The following BCL11A variants were observed in gnomAD, a reference collection of about 807,000 sequenced individuals.
The protein encoded by BCL11A is BCL11 transcription factor A.
BCL11A carries 2 observed loss-of-function variants against 55.9 expected under a neutral mutation model. That is an observed-to-expected ratio of 0.04 (90% confidence interval 0.01 to 0.11). The LOEUF is 0.11. Among genes scored for constraint, BCL11A ranks in the 10% least tolerant of loss-of-function variants. The probability of loss-of-function intolerance (pLI) is 1.00; values close to 1 mark genes in which losing one functional copy is unlikely to be tolerated. For synonymous variants in BCL11A, 465 were observed against 473.4 expected (o/e 0.98, Z 0.23); for missense variants, 817 against 1,137.1 (o/e 0.72, Z 4.05).
At chr2:60,552,579 C>T (rs1383432095) in intron 1 of BCL11A, among the ~76,000 whole-genome samples, 1 of 152,216 alleles carries the variant, frequency 6.6e-6, no homozygotes, top group Non-Finnish European at 1.5e-5. Context: ...CGCCGCGGCC[C>T]CTCTCCCGAC....
intron 1 of BCL11A, among the ~76,000 whole-genome samples, chr2:60,552,335 A>T (rs1670445750): frequency 1.3e-5 from 2 of 151,950 alleles, no homozygotes. Flanking sequence ...GGGCAGCGGC[A>T]ACCCAGGAGG....
intron 2 of BCL11A, among the ~76,000 whole-genome samples, chr2:60,488,610 T>G (rs913925915): frequency 3.3e-5 from 5 of 152,226 alleles, no homozygotes; most frequent in Non-Finnish European, 7.3e-5. Flanking sequence ...ATACTTACTG[T>G]ACTGCAGGGG....
intron 2 of BCL11A, among the ~76,000 whole-genome samples, chr2:60,502,920 C>T (rs946635129): frequency 2.0e-5 from 3 of 152,186 alleles, no homozygotes; most frequent in Non-Finnish European, 4.4e-5. Flanking sequence ...GAACACTGGT[C>T]TGTCTGGGGC....
At chr2:60,453,269 T>G (rs1190306235), downstream of BCL11A, among the ~76,000 whole-genome samples, 1 of 152,202 alleles carries the variant, frequency 6.6e-6, no homozygotes, top group African/African-American at 2.4e-5. Context: ...GCAGTTTTCT[T>G]TTCTTTTTTG....
chr2:60,544,750 T>C (rs1670074168), intron 2 of BCL11A: 2 of 152,146 alleles, frequency 1.3e-5, no homozygotes, highest in African/African-American at 4.8e-5. Flanking sequence ...CTCTTGCCTT[T>C]CGGGAGCTGG....
chr2:60,485,313 A>G (rs1331942310), intron 2 of BCL11A, among the ~76,000 whole-genome samples: 3 of 152,226 alleles, frequency 2.0e-5, no homozygotes, highest in Non-Finnish European at 4.4e-5. Context: ...AGGGTGGAGC[A>G]AGGCCACTCC....
chr2:60,512,311 T>C (rs1240603352), intron 2 of BCL11A, among the ~76,000 whole-genome samples: 1 of 152,242 alleles, frequency 6.6e-6, no homozygotes, highest in Non-Finnish European at 1.5e-5. Flanking sequence ...TTTGGGCTTG[T>C]GGCTGAGCTG....
At chr2:60,492,844 C>A (rs1214135789) in intron 2 of BCL11A, among the ~76,000 whole-genome samples, 1 of 152,158 alleles carries the variant, frequency 6.6e-6, no homozygotes, top group Non-Finnish European at 1.5e-5. Context: ...ACTTTACATA[C>A]AACAAAAGTC....
At chr2:60,535,433 CT>C (rs1669626003) in intron 2 of BCL11A, 1 of 152,194 alleles carries the variant, frequency 6.6e-6, no homozygotes, top group Non-Finnish European at 1.5e-5. Flanking sequence ...AGAGCCAAAC[CT>C]ATCTCTAAAC....
At chr2:60,548,068 A>C (rs1340523439) in intron 1 of BCL11A, among the ~76,000 whole-genome samples, 1 of 152,238 alleles carries the variant, frequency 6.6e-6, no homozygotes, top group Admixed American at 6.5e-5. Context: ...GTGCCTCTGC[A>C]TTGTGCCTTA....
At chr2:60,467,828 A>ATGGTGGTGG (rs1273338866) in intron 3 of BCL11A, among the ~76,000 whole-genome samples, 2 of 68,628 alleles carry the variant, frequency 2.9e-5, no homozygotes, top group Non-Finnish European at 3.0e-5. Context: ...GGTGATGGTG[A>ATGGTGGTGG]TGGTGGTGGT....
intron 2 of BCL11A, chr2:60,544,729 A>G (rs2104740183): frequency 6.6e-6 from 1 of 152,304 alleles, no homozygotes; most frequent in African/African-American, 2.4e-5. Context: ...CTTTCCTAAA[A>G]CTGAACAAAC....
chr2:60,529,373 G>A (rs958177161), intron 2 of BCL11A, among the ~76,000 whole-genome samples: 3 of 152,230 alleles, frequency 2.0e-5, no homozygotes, highest in African/African-American at 4.8e-5. Context: ...AGGAAGCGGA[G>A]GCTTAGGGAA....
intron 2 of BCL11A, chr2:60,524,857 T>C (rs1043120086): frequency 6.6e-6 from 1 of 152,186 alleles, no homozygotes; most frequent in Non-Finnish European, 1.5e-5. Flanking sequence ...TGCTGGACAG[T>C]GTGGAAAACA....
At chr2:60,533,715 C>T (rs918613478) in intron 2 of BCL11A, 1 of 152,192 alleles carries the variant, frequency 6.6e-6, no homozygotes, top group Admixed American at 6.5e-5. Context: ...GGCAGAATCG[C>T]TCGACACACA....
intron 2 of BCL11A, among the ~76,000 whole-genome samples, chr2:60,497,609 T>A (rs1453859772): frequency 1.3e-5 from 1 of 77,344 alleles, no homozygotes; most frequent in Non-Finnish European, 2.5e-5. Context: ...ATGGTGATGA[T>A]AATGACCATT....
Position 60,461,690 on chromosome 2 carries a change from T to G in BCL11A, c.1222A>C (p.Asn408His), listed in dbSNP as rs1676303074. 1 of 1,613,944 alleles carries G rather than the reference T, an allele frequency of 6.2e-7. No individual in the cohort carries two copies. The highest frequency in any genetic ancestry group is 1.3e-5 in the African/African-American group (1 of 74,940). ...TGGGTGCACGCGTGGTCGCACAGGT[T>G]GCACTTGTAGGGCTTCTCGCCCGTG... Reference protein sequence around the residue: ...SHTGEKPYKCNLCDHACTQAS... With the variant: ...SHTGEKPYKCHLCDHACTQAS... Residue 408 changes from asparagine to histidine, a missense_variant, in exon 4 of 4, where the codon AAC becomes CAC. By Grantham distance (68) the Asn-to-His change is moderately conservative. Around this residue, in one of 4 missense-constraint regions of BCL11A, gnomAD observed 45 missense variants for 109.0 expected, o/e 0.41. Transcript: ENST00000642384.
At chr2:60,467,359 G>A (rs1330459276) in intron 3 of BCL11A, among the ~76,000 whole-genome samples, 318 of 47,086 alleles carry the variant, frequency 6.8e-3, no homozygotes, top group Non-Finnish European at 0.012. Flanking sequence ...TGGTGGTGGT[G>A]GTGATGGTGG....
intron 1 of BCL11A, among the ~76,000 whole-genome samples, chr2:60,552,482 C>A (rs957831977): frequency 2.6e-5 from 4 of 152,042 alleles, no homozygotes; most frequent in African/African-American, 9.7e-5. Flanking sequence ...CAAAAGGCAG[C>A]GGGACAAACA....
Sources: gnomAD v4.1 joint callset for allele counts (sites outside exome capture counted in the v4.1 genomes callset) on GRCh38, gnomAD v4.1.1 for gene constraint, gnomAD v4.1.1 regional missense constraint, MANE v1.5 for transcripts, NCBI Gene and HGNC (gene_info 2026-07-23, HGNC 2026-07-21) for gene names.